EXPH5: variants seen among roughly 807,000 people sequenced by gnomAD.
EXPH5 encodes exophilin 5.
EXPH5 carries 42 observed loss-of-function variants against 41.1 expected under a neutral mutation model. The ratio of observed to expected loss-of-function variants is 1.02; its 90% CI spans 0.80 to 1.32. The LOEUF (loss-of-function observed/expected upper bound fraction) is 1.32. Ranked by LOEUF, EXPH5 falls within the 40% of genes most tolerant of loss-of-function variation. The pLI is 0.00. For synonymous variants in EXPH5, 798 were observed against 833.5 expected (o/e 0.96, Z 0.73); for missense variants, 2,298 against 2,314.5 (o/e 0.99, Z 0.15).
intron 1 of EXPH5, among the ~76,000 whole-genome samples, chr11:108,583,772 T>A (rs539648858): frequency 1.3e-5 from 2 of 152,170 alleles, no homozygotes; most frequent in African/African-American, 4.8e-5. Flanking sequence ...GGAAGTACAA[T>A]GTCAATACTC....
At chr11:108,526,870 G>A (rs1433102959) in intron 4 of EXPH5, among the ~76,000 whole-genome samples, 3 of 152,112 alleles carry the variant, frequency 2.0e-5, no homozygotes, top group Admixed American at 6.6e-5. Flanking sequence ...TTTCTCTGGG[G>A]ATTAAACGAA....
At chr11:108,590,500 G>A (rs2094124880) in intron 1 of EXPH5, among the ~76,000 whole-genome samples, 1 of 152,088 alleles carries the variant, frequency 6.6e-6, no homozygotes, top group South Asian at 2.1e-4. Flanking sequence ...TACAGATGAG[G>A]GGAGATCAGG....
chr11:108,567,070 T>G (rs186298143), intron 1 of EXPH5, among the ~76,000 whole-genome samples: 7 of 152,342 alleles, frequency 4.6e-5, no homozygotes, highest in African/African-American at 1.7e-4. Flanking sequence ...AACAGTTAAC[T>G]TAAATCTCAC....
At chr11:108,577,914 G>C (rs974672898) in intron 1 of EXPH5, among the ~76,000 whole-genome samples, 10 of 151,882 alleles carry the variant, frequency 6.6e-5, no homozygotes, top group African/African-American at 2.4e-4. Flanking sequence ...TGAGTTGCTT[G>C]AGTTCCTTAC....
chr11:108,524,669 C>A (rs2093786784), intron 4 of EXPH5, among the ~76,000 whole-genome samples: 1 of 152,152 alleles, frequency 6.6e-6, no homozygotes, highest in African/African-American at 2.4e-5. Context: ...CTAGGGCAGC[C>A]AAACCTGTAG....
chr11:108,519,179 A>G lies in EXPH5; in HGVS notation c.493-806T>C, dbSNP rs570770786. ...GAACCCTCTCTTGGGGTCTGGATCC[A>G]GTATTACTTTTCTGGTAATATCTTC... On this transcript the variant is annotated intron_variant, in intron 4 of 5. Transcript: ENST00000265843. Among the ~76,000 whole-genome samples, 1,023 of 152,268 alleles carry G rather than the reference A, an allele frequency of 6.7e-3. 9 individuals are homozygous for G. Among genetic ancestry groups the G allele is most frequent in the African/African-American group, 0.023 (971 of 41,538 alleles).
chr11:108,577,764 G>A (rs2094084823), intron 1 of EXPH5, among the ~76,000 whole-genome samples: 1 of 152,102 alleles, frequency 6.6e-6, no homozygotes, highest in African/African-American at 2.4e-5. Context: ...ATATTTCATT[G>A]TAGTTTTGAT....
At chr11:108,597,159 C>A (rs2094139980), upstream of EXPH5, among the ~76,000 whole-genome samples, 1 of 152,194 alleles carries the variant, frequency 6.6e-6, no homozygotes, top group African/African-American at 2.4e-5. Flanking sequence ...AAGAGACATG[C>A]TGATCACATC....
At chr11:108,578,891 C>G (rs2094088674) in intron 1 of EXPH5, among the ~76,000 whole-genome samples, 1 of 152,186 alleles carries the variant, frequency 6.6e-6, no homozygotes, top group Non-Finnish European at 1.5e-5. Context: ...TCAGTTCTAA[C>G]AGCTTTTTTG....
intron 1 of EXPH5, 76 bp from the exon 2 acceptor site, chr11:108,541,888 T>G (rs1270723042): frequency 1.6e-6 from 2 of 1,227,856 alleles, no homozygotes; most frequent in African/African-American, 3.1e-5. Flanking sequence ...TCAATGTACT[T>G]TTTTTTTGAT....
chr11:108,548,048 G>A (rs1343366639), intron 1 of EXPH5, among the ~76,000 whole-genome samples: 1 of 148,198 alleles, frequency 6.7e-6, no homozygotes, highest in East Asian at 2.0e-4. Context: ...GGCGGAGGTT[G>A]CAGTGAGCCG....
At chr11:108,539,851 A>G (rs921481418) in intron 2 of EXPH5, among the ~76,000 whole-genome samples, 1 of 152,212 alleles carries the variant, frequency 6.6e-6, no homozygotes, top group African/African-American at 2.4e-5. Flanking sequence ...GGGATGCTCA[A>G]CTTTTCAGCT....
chr11:108,509,540 C>A lies in EXPH5; in HGVS notation c.5967G>T (p.Leu1989=). ...YLDENDKESE[L] ...AAAGCATTTTATTGAAAAAGCCTCA[C>A]AGTTCTGACTCTTTGTCATTTTCAT... The change falls in exon 6 of 6, where the codon CTG becomes CTT. Residue 1989 remains leucine, a synonymous_variant. Coordinates refer to ENST00000265843, the MANE Select transcript of EXPH5 (RefSeq NM_015065.3). The A allele has an allele frequency of 1.3e-6, 2 of 1,540,562 alleles. No homozygotes were observed. The highest frequency in any genetic ancestry group is 8.7e-7 in the Non-Finnish European group (1 of 1,150,068).
chr11:108,559,447 C>T (rs539869954), intron 1 of EXPH5, among the ~76,000 whole-genome samples: 1 of 152,322 alleles, frequency 6.6e-6, no homozygotes, highest in South Asian at 2.1e-4. Context: ...TATACTAGCA[C>T]AGCTGCAAAG....
rs1251417080 is a variant in EXPH5 at position 108,511,295 on chromosome 11, A to AT, written c.4211dup (p.Asn1404LysfsTer8). 47 of 1,601,658 alleles carry AT rather than the reference A, an allele frequency of 2.9e-5. No homozygotes were observed. Among genetic ancestry groups the AT allele is most frequent in the Non-Finnish European group, 3.7e-5 (44 of 1,176,368 alleles). The stretch of plus-strand genomic sequence containing the variant: ...AATTTTCAGATTTTTCTTCGGATAC[A>AT]TTTTTTCTCTGAAGCATCAATGAAG... On this transcript the variant is annotated frameshift_variant, in exon 6 of 6. Transcript: ENST00000265843. LOFTEE classifies it low-confidence loss of function (END_TRUNC).
At chr11:108,574,464 A>T (rs2094073610) in intron 1 of EXPH5, among the ~76,000 whole-genome samples, 1 of 152,224 alleles carries the variant, frequency 6.6e-6, no homozygotes, top group South Asian at 2.1e-4. Context: ...GAAGTGTGCA[A>T]ACTGAAACCT....
intron 1 of EXPH5, among the ~76,000 whole-genome samples, chr11:108,569,560 C>T (rs779880959): frequency 5.9e-5 from 9 of 152,244 alleles, no homozygotes; most frequent in Admixed American, 3.3e-4. Context: ...AGGCTGGTCT[C>T]GAACTCCTCA....
intron 1 of EXPH5, among the ~76,000 whole-genome samples, chr11:108,564,756 C>CA (rs1180246270): frequency 6.6e-6 from 1 of 152,124 alleles, no homozygotes; most frequent in Non-Finnish European, 1.5e-5. Context: ...TCCATTTCCC[C>CA]ATGTGCTTGC....
In EXPH5 at chr11:108,521,343, C is replaced by G. The variant is rs150093276; in HGVS notation, c.493-2970G>C. On this transcript the variant is annotated intron_variant, in intron 4 of 5. Coordinates refer to ENST00000265843, the MANE Select transcript of EXPH5 (RefSeq NM_015065.3). ...TTGTGTTTTCACTCCTGCTTGTTTT[C>G]TTTCTCAAGGTCTAGGTCAGTTATT... is the stretch of plus-strand genomic sequence containing the variant. Among the ~76,000 whole-genome samples the G allele has an allele frequency of 3.3e-5, 5 of 152,180 alleles. No homozygotes were observed. The East Asian group carries it at 7.7e-4, about 24-fold the overall frequency.
Sources: allele counts gnomAD v4.1 joint callset (sites outside exome capture counted in the v4.1 genomes callset), GRCh38; gene constraint gnomAD v4.1.1; transcripts MANE v1.5; gene names NCBI Gene and HGNC (gene_info 2026-07-23, HGNC 2026-07-21).